CPLX1: variants seen among roughly 807,000 people sequenced by gnomAD.
CPLX1 encodes the protein complexin-1.
In CPLX1, 6 loss-of-function variants were observed where a neutral mutation model predicts 15.6. The observed-to-expected ratio is 0.39, with a 90% CI of 0.21 to 0.76. The LOEUF (loss-of-function observed/expected upper bound fraction) is 0.76, where lower values mean the gene tolerates loss of function less well. CPLX1 is among the 30% of genes least tolerant of loss of function. The pLI, the probability that CPLX1 is intolerant of heterozygous loss-of-function variation, is 0.43. For missense variants in CPLX1, 242 were observed against 188.6 expected (o/e 1.28, Z -1.66); for synonymous variants, 91 against 75.2 (o/e 1.21, Z -1.08).
chr4:806,775 T>C (rs1219831217), intron 2 of CPLX1, among the ~76,000 whole-genome samples: 2 of 152,174 alleles, frequency 1.3e-5, no homozygotes, highest in Admixed American at 6.5e-5. Flanking sequence ...TACAATGAGA[T>C]ACCATCTCAT....
At chr4:792,365 A>G in intron 3 of CPLX1, 68 bp downstream of exon 3, 1 of 1,368,824 alleles carries the variant, frequency 7.3e-7, no homozygotes, top group Non-Finnish European at 9.6e-7. Flanking sequence ...CCTTCCACCC[A>G]GGCGGGATCT....
At chr4:796,286 G>C (rs986930237) in intron 2 of CPLX1, among the ~76,000 whole-genome samples, 5 of 152,186 alleles carry the variant, frequency 3.3e-5, no homozygotes, top group African/African-American at 1.2e-4. Flanking sequence ...CAGCCACCGA[G>C]TGTTCGTCAA....
chr4:799,289 G>T (rs1307898394), intron 2 of CPLX1, among the ~76,000 whole-genome samples: 2 of 152,240 alleles, frequency 1.3e-5, no homozygotes, highest in African/African-American at 4.8e-5. Flanking sequence ...CTTTTCATCG[G>T]TCGCATTTCT....
intron 2 of CPLX1, among the ~76,000 whole-genome samples, chr4:799,094 T>C (rs544822559): frequency 4.7e-4 from 71 of 152,318 alleles, no homozygotes; most frequent in African/African-American, 1.6e-3. Context: ...ACAGAACCCC[T>C]CTCTCTGACC....
chr4:824,806 C>T (rs1458008461), intron 1 of CPLX1: 2 of 648,538 alleles, frequency 3.1e-6, no homozygotes, highest in South Asian at 3.0e-5. Flanking sequence ...CTCCCCAGCT[C>T]CTGGGGTGTC....
chr4:819,390 G>C (rs1746818483), intron 2 of CPLX1, among the ~76,000 whole-genome samples: 1 of 152,238 alleles, frequency 6.6e-6, no homozygotes, highest in South Asian at 2.1e-4. Flanking sequence ...GGTCCTTCCA[G>C]CCTCCCAGAA....
At chr4:813,894 T>C (rs1297072449) in intron 2 of CPLX1, among the ~76,000 whole-genome samples, 1 of 152,214 alleles carries the variant, frequency 6.6e-6, no homozygotes, top group Non-Finnish European at 1.5e-5. Flanking sequence ...CAACAGCTTT[T>C]CCTGACTCGC....
chr4:799,196 C>T (rs1046709118), intron 2 of CPLX1, among the ~76,000 whole-genome samples: 1 of 152,242 alleles, frequency 6.6e-6, no homozygotes, highest in Non-Finnish European at 1.5e-5. Context: ...AGAAGGGGCC[C>T]TGCCCCGTGC....
chr4:802,658 T>C (rs1746480377), intron 2 of CPLX1, among the ~76,000 whole-genome samples: 1 of 152,048 alleles, frequency 6.6e-6, no homozygotes, highest in Non-Finnish European at 1.5e-5. Context: ...GTGTAAAAAT[T>C]CCAGAAAGCA....
At position 786,458 on chromosome 4, in the gene CPLX1, G is replaced by A. The variant is rs756090082; in HGVS notation, c.*43C>T. On this transcript the variant is annotated 3_prime_UTR_variant, in exon 4 of 4. Transcript: ENST00000304062. The stretch of plus-strand genomic sequence containing the variant: ...AGGGGCCTCCGCGGAGGATCTGTAG[G>A]GGGAGGGGCGGGGGCTCCGCGGGGC... 2.0e-6 allele frequency: 3 copies of A among 1,509,836 alleles called. No homozygotes were observed. Among genetic ancestry groups the A allele is most frequent in the Non-Finnish European group, 8.9e-7 (1 of 1,124,018 alleles). The allele number at this position is 1,509,836 out of a possible 1,614,324, so 93.5% of individuals were successfully genotyped here. A position where few individuals can be genotyped will look rare whatever the true frequency, so the allele number is the denominator to read the frequency against.
At chr4:786,859 C>A (rs1166155508) in intron 3 of CPLX1, 161 bp from the exon 4 acceptor site, 2 of 980,966 alleles carry the variant, frequency 2.0e-6, no homozygotes, top group Non-Finnish European at 2.4e-6. Flanking sequence ...GACCCCACCC[C>A]GGGGGGTCCC....
intron 2 of CPLX1, among the ~76,000 whole-genome samples, chr4:804,496 C>A (rs1253669138): frequency 6.6e-6 from 1 of 151,646 alleles, no homozygotes; most frequent in Admixed American, 6.6e-5. Context: ...GTCTATAGAA[C>A]CTATATCAGA....
In CPLX1 at chr4:814,370, G is replaced by A. The variant is rs527344588; in HGVS notation, c.31+10122C>T. ...TTGGACTACAGGTGCCTGCCACCAC[G>A]CCCAGCTAATTTTTGTATTTTTAGT... On this transcript the variant is annotated intron_variant, in intron 2 of 3. Coordinates refer to ENST00000304062, the MANE Select transcript of CPLX1 (RefSeq NM_006651.4). Among the ~76,000 whole-genome samples, 736 of 152,216 alleles carry A rather than the reference G, an allele frequency of 4.8e-3. 5 individuals carry two copies. Among genetic ancestry groups the A allele is most frequent in the African/African-American group, 0.017 (687 of 41,536 alleles).
chr4:789,680 G>T (rs1005340064), intron 3 of CPLX1, among the ~76,000 whole-genome samples: 5 of 152,184 alleles, frequency 3.3e-5, no homozygotes. Context: ...CCCTGGGCCC[G>T]GGCCTGTCCA....
chr4:819,480 G>A (rs1033153020), intron 2 of CPLX1, among the ~76,000 whole-genome samples: 2 of 152,232 alleles, frequency 1.3e-5, no homozygotes, highest in Admixed American at 6.5e-5. Flanking sequence ...TGTGAAGTCC[G>A]TTCTGAACAA....
intron 2 of CPLX1, among the ~76,000 whole-genome samples, chr4:813,483 C>T (rs1746698439): frequency 6.6e-6 from 1 of 152,012 alleles, no homozygotes; most frequent in Non-Finnish European, 1.5e-5. Flanking sequence ...GCGAGTGGGG[C>T]AGACATGAGG....
chr4:808,238 A>G (rs1265008060), intron 2 of CPLX1, among the ~76,000 whole-genome samples: 1 of 149,960 alleles, frequency 6.7e-6, no homozygotes, highest in Non-Finnish European at 1.5e-5. Context: ...CTCAATAAAT[A>G]CATAAATAAA....
intron 2 of CPLX1, among the ~76,000 whole-genome samples, chr4:793,819 C>A (rs1323591927): frequency 6.6e-6 from 1 of 152,228 alleles, no homozygotes; most frequent in Non-Finnish European, 1.5e-5. Flanking sequence ...GGCTCTGCCC[C>A]CTGGATGCCA....
chr4:804,909 G>A (rs1746526235), intron 2 of CPLX1: 1 of 985,474 alleles, frequency 1.0e-6, no homozygotes, highest in Non-Finnish European at 1.2e-6. Context: ...CAGCCATTTT[G>A]GAACGCAGTG....
Sources: allele counts gnomAD v4.1 joint callset (sites outside exome capture counted in the v4.1 genomes callset), GRCh38; gene constraint gnomAD v4.1.1; transcripts MANE v1.5; gene names NCBI Gene and HGNC (gene_info 2026-07-23, HGNC 2026-07-21).